PRUNE1: variants seen among roughly 807,000 people sequenced by gnomAD.
The protein encoded by PRUNE1 is prune exopolyphosphatase 1.
In PRUNE1, 25 loss-of-function variants were observed where a neutral mutation model predicts 42.5. The ratio of observed to expected loss-of-function variants is 0.59; its 90% CI spans 0.43 to 0.82. PRUNE1 has a LOEUF of 0.82. Ranked by LOEUF, PRUNE1 falls within the 40% of genes least tolerant of loss-of-function variation. The pLI, the probability that PRUNE1 is intolerant of heterozygous loss-of-function variation, is 0.00. For synonymous variants in PRUNE1, 203 were observed against 217.1 expected (o/e 0.93, Z 0.57); for missense variants, 443 against 539.3 (o/e 0.82, Z 1.77).
chr1:151,030,820 T>G (rs1487103301), intron 7 of PRUNE1, among the ~76,000 whole-genome samples: 1 of 152,178 alleles, frequency 6.6e-6, no homozygotes, highest in African/African-American at 2.4e-5. Flanking sequence ...GTAGATGTGC[T>G]TTTCTGTTCT....
At position 151,024,665 on chromosome 1, in the gene PRUNE1, C is replaced by G. The variant is rs112180991; in HGVS notation, c.390C>G (p.Ile130Met). ...CAGAGGTGCTAGACCATCGACCCAT[C>G]GAGCCGAAACACTGCCCTCCCTGCC... ...AVAEVLDHRP[I>M]EPKHCPPCHV... is the part of the protein sequence containing the mutation. Residue 130 changes from isoleucine to methionine, a missense_variant, in exon 4 of 8, where the codon ATC becomes ATG. Transcript: ENST00000271620. 13 of 1,613,556 alleles carry G rather than the reference C, an allele frequency of 8.1e-6. No homozygotes were observed. The highest frequency in any genetic ancestry group is 5.3e-5 in the African/African-American group (4 of 74,886).
At chr1:151,023,920 C>G (rs1326699499) in intron 3 of PRUNE1, among the ~76,000 whole-genome samples, 1 of 150,944 alleles carries the variant, frequency 6.6e-6, no homozygotes, top group Non-Finnish European at 1.5e-5. Context: ...CGGTGGCTCA[C>G]GCCTGTAATC....
intron 7 of PRUNE1, among the ~76,000 whole-genome samples, chr1:151,031,184 T>G: frequency 7.7e-6 from 1 of 130,596 alleles, no homozygotes. Context: ...TTTGTGTGTG[T>G]GTGTGTGTGT....
chr1:151,033,054 G>A lies in PRUNE1; in HGVS notation c.934-752G>A, dbSNP rs112902036. Among the ~76,000 whole-genome samples the A allele has an allele frequency of 2.6e-3, 396 of 150,886 alleles. 1 individual carries two copies. The highest frequency in any genetic ancestry group is 0.014 in the Middle Eastern group (4 of 286). On this transcript the variant is annotated intron_variant, in intron 7 of 7. Coordinates refer to ENST00000271620, the MANE Select transcript of PRUNE1 (RefSeq NM_021222.3). ...CTCCCAAAGTGCTGGGATTACAGGC[G>A]TGAGCCACTGTGCCCGGCCTCAAGG...
rs778252196 is a variant in PRUNE1, at chr1:151,033,988, G to T, written c.1116G>T (p.Gln372His). The change falls in exon 8 of 8, where the codon CAG (glutamine) becomes CAT (histidine). Residue 372 changes from glutamine to histidine, a missense_variant. By Grantham distance (24) the Gln-to-His change is conservative (BLOSUM62 0). Transcript: ENST00000271620. ...ACTCCATGAAGATCCCTTCAGGACA[G>T]CCTGAGACAGCAGATGTGTCCAGGG... ...YFDSMKIPSG[Q>H]PETADVSREQ... 2 of 1,614,116 alleles carry T rather than the reference G, an allele frequency of 1.2e-6. No individual in the cohort carries two copies. The highest frequency in any genetic ancestry group is 2.7e-5 in the African/African-American group (2 of 75,068).
rs1385527715 is a variant in PRUNE1 at position 151,020,937 on chromosome 1, A to G, written c.335+2268A>G. Among the ~76,000 whole-genome samples, 21 of 151,524 alleles carry G rather than the reference A, an allele frequency of 1.4e-4. 2 individuals carry two copies. The highest frequency in any genetic ancestry group is 3.4e-3 in the Middle Eastern group (1 of 292). On this transcript the variant is annotated intron_variant, in intron 3 of 7. Transcript: ENST00000271620. ...GCGGAGCTTTCAGTGAGCTGAGATC[A>G]TGCCACTTGCACTCCAGCCTGGGCG...
chr1:151,024,901 C>G, intron 4 of PRUNE1, 106 bp downstream of exon 4: 1 of 1,160,960 alleles, frequency 8.6e-7, no homozygotes, highest in South Asian at 1.6e-5. Context: ...GCTCTCAGAG[C>G]CATTCAGCTC....
At position 151,024,687 on chromosome 1, in the gene PRUNE1, T is replaced by C; in HGVS notation, c.412T>C (p.Cys138Arg). Residue 138 changes from cysteine (C) to arginine (R), a missense_variant, in exon 4 of 8, where the codon TGC (cysteine) becomes CGC (arginine). Cys to Arg is a radical substitution (Grantham distance 180). Transcript: ENST00000271620. ...RPIEPKHCPP[C>R]HVSVELVGSC... Reference sequence around the variant, plus strand: ...CATCGAGCCGAAACACTGCCCTCCCTGCCATGTTTCAGTTGAGCTGGTGGG... The same window carrying C: ...CATCGAGCCGAAACACTGCCCTCCCCGCCATGTTTCAGTTGAGCTGGTGGG... 6.2e-7 allele frequency: 1 copy of C among 1,614,040 alleles called. No individual in the cohort carries two copies.
At chr1:151,025,143 T>C (rs1389927532) in intron 4 of PRUNE1, among the ~76,000 whole-genome samples, 1 of 95,984 alleles carries the variant, frequency 1.0e-5, no homozygotes, top group African/African-American at 4.3e-5. Flanking sequence ...TTTCTTGTTC[T>C]CATTTTTCCA....
intron 1 of PRUNE1, among the ~76,000 whole-genome samples, chr1:151,009,223 T>G (rs1673586859): frequency 6.6e-6 from 1 of 152,206 alleles, no homozygotes; most frequent in Non-Finnish European, 1.5e-5. Context: ...TATTTTACTT[T>G]AAGTCAGTGT....
intron 4 of PRUNE1, 80 bp downstream of exon 4, chr1:151,024,875 T>C: frequency 7.0e-7 from 1 of 1,424,882 alleles, no homozygotes; most frequent in Non-Finnish European, 9.5e-7. Context: ...TCTAGACGCT[T>C]CCAGCCTAAC....
chr1:151,029,710 C>T (rs1358492613), intron 7 of PRUNE1, among the ~76,000 whole-genome samples: 1 of 151,576 alleles, frequency 6.6e-6, no homozygotes, highest in Non-Finnish European at 1.5e-5. Context: ...ATAGCAAGAC[C>T]TCATCTCTGT....
intron 1 of PRUNE1, among the ~76,000 whole-genome samples, chr1:151,010,294 A>G (rs756100002): frequency 8.6e-5 from 13 of 151,946 alleles, no homozygotes; most frequent in Non-Finnish European, 1.5e-4. Flanking sequence ...ATGCTGCCCA[A>G]TCTGGTTTCA....
chr1:151,024,919 A>G, intron 4 of PRUNE1, 124 bp downstream of exon 4: 1 of 1,006,190 alleles, frequency 9.9e-7, no homozygotes, highest in Non-Finnish European at 1.4e-6. Flanking sequence ...CTCATACCAA[A>G]AGATAGGATT....
Position 151,028,800 on chromosome 1 carries a change from G to A in PRUNE1, c.789G>A (p.Arg263=), listed in dbSNP as rs2102937213. The change falls in exon 7 of 8, where the codon AGG becomes AGA. Residue 263 remains arginine (R), a synonymous_variant. Transcript: ENST00000271620. ...IYMDLEAFLQ[R]SNLLADLHAF... is the part of the protein sequence containing the mutation. ...TTCCCTTTCAGGCCTTTCTGCAGAG[G>A]TCTAACCTCCTTGCAGATCTCCATG... 1.9e-6 allele frequency: 3 copies of A among 1,613,966 alleles called. No homozygotes were observed. In the East Asian group the frequency reaches 6.7e-5, roughly 36 times the overall value.
chr1:151,008,784 G>C (rs1571756324), intron 1 of PRUNE1, 113 bp downstream of exon 1: 1 of 1,362,360 alleles, frequency 7.3e-7, no homozygotes, highest in East Asian at 2.3e-5. Flanking sequence ...ACTGAGTTGT[G>C]GGGAGGGGGG....
chr1:151,020,620 A>G (rs1674356733), intron 3 of PRUNE1, among the ~76,000 whole-genome samples: 1 of 152,122 alleles, frequency 6.6e-6, no homozygotes, highest in Non-Finnish European at 1.5e-5. Context: ...AAAAGCACAC[A>G]AAAAGTTAGC....
chr1:151,032,155 G>T (rs922007529), intron 7 of PRUNE1, among the ~76,000 whole-genome samples: 3 of 151,368 alleles, frequency 2.0e-5, no homozygotes, highest in African/African-American at 7.3e-5. Flanking sequence ...TGAAGCAAGA[G>T]AATTGCTTGA....
At position 151,018,521 on chromosome 1, in the gene PRUNE1, C is replaced by T; in HGVS notation, c.187C>T (p.Leu63=). The change falls in exon 3 of 8, where the codon CTA becomes TTA. Residue 63 remains leucine (L), a synonymous_variant. Coordinates refer to ENST00000271620, the MANE Select transcript of PRUNE1 (RefSeq NM_021222.3). ...VPVLNIKRSE[L]PLRGDIVFFL... ...AGTTTTAAATATAAAACGTTCTGAA[C>T]TACCTCTGCGAGGTGACATTGTCTT... 1 of 1,613,748 alleles carries T rather than the reference C, an allele frequency of 6.2e-7. No homozygotes were observed. The highest frequency in any genetic ancestry group is 8.5e-7 in the Non-Finnish European group (1 of 1,179,630).
Sources: allele counts gnomAD v4.1 joint callset (sites outside exome capture counted in the v4.1 genomes callset), GRCh38; gene constraint gnomAD v4.1.1; transcripts MANE v1.5; gene names NCBI Gene and HGNC (gene_info 2026-07-23, HGNC 2026-07-21).